The following ZNF829 variants were observed in gnomAD, a reference collection of about 807,000 sequenced individuals.
The protein encoded by ZNF829 is zinc finger protein 829.
ZNF829 carries 25 observed loss-of-function variants against 35.2 expected under a neutral mutation model. The ratio of observed to expected loss-of-function variants is 0.71; its 90% CI spans 0.52 to 0.99. The LOEUF (loss-of-function observed/expected upper bound fraction) is 0.99. Ranked by LOEUF, ZNF829 falls within the 50% of genes least tolerant of loss-of-function variation. ZNF829 has a pLI of 0.00. For missense variants in ZNF829, 417 were observed against 515.3 expected, an observed-to-expected ratio of 0.81 and a Z score of 1.85; for synonymous variants, 136 against 163.2, an observed-to-expected ratio of 0.83 and a Z score of 1.27.
Position 36,908,318 on chromosome 19 carries a change from A to T in ZNF829, c.223+15T>A. 1.2e-6 allele frequency: 2 copies of T among 1,603,096 alleles called. No homozygotes were observed. The highest frequency in any genetic ancestry group is 1.7e-6 in the Non-Finnish European group (2 of 1,175,802). On this transcript the variant is annotated intron_variant, in intron 4 of 5. Coordinates refer to ENST00000391711, the MANE Select transcript of ZNF829 (RefSeq NM_001037232.4). ...CAAGGGCACACTCTGAATTTTGGGGAATAGTTATCCTTACCCACTGAAACC... is the reference window on the plus strand; with the variant it reads ...CAAGGGCACACTCTGAATTTTGGGGTATAGTTATCCTTACCCACTGAAACC...
Position 36,907,938 on chromosome 19 carries a change from G to T in ZNF829, c.310C>A (p.Leu104Met), listed in dbSNP as rs1378427853. Residue 104 changes from leucine (L) to methionine (M), a missense_variant, in exon 5 of 6, where the codon CTG (leucine) becomes ATG (methionine). Leu to Met is a conservative substitution (Grantham distance 15, BLOSUM62 2). Transcript: ENST00000391711. ...ATCATCTCTTACTTACCTGAACACA[G>T]GCCTCTAGTCAGCTCTCTATCAACC... ...WMVDRELTRG[L>M]CSDLESMCET... 1 of 1,613,696 alleles carries T rather than the reference G, an allele frequency of 6.2e-7. No homozygotes were observed. The highest frequency in any genetic ancestry group is 8.5e-7 in the Non-Finnish European group (1 of 1,179,708).
chr19:36,889,403 C>T lies in ZNF829; in HGVS notation c.*2089G>A, dbSNP rs1419932939. The T allele has an allele frequency of 6.6e-6, 1 of 152,118 alleles. No homozygotes were observed. The highest frequency in any genetic ancestry group is 1.5e-5 in the Non-Finnish European group (1 of 68,020). 9.4% of individuals were successfully genotyped at this position (152,118 alleles called of 1,614,324 possible). A position where few individuals can be genotyped will look rare whatever the true frequency, so the allele number is the denominator to read the frequency against. ...TCCTTGCATGTCTAGTAGAATTCAG[C>T]TGTGAATCTGTCTGGTCCTGGGCTT... On this transcript the variant is annotated 3_prime_UTR_variant, in exon 6 of 6. Coordinates refer to ENST00000391711, the MANE Select transcript of ZNF829 (RefSeq NM_001037232.4).
Position 36,902,907 on chromosome 19 carries a change from A to G in ZNF829, c.319+5022T>C, listed in dbSNP as rs558364937. 1.7e-4 allele frequency among the ~76,000 whole-genome samples: 26 copies of G among 152,176 alleles called. No homozygotes were observed. The East Asian group carries it at 2.5e-3, about 15-fold the overall frequency. ...AAAAATTAGCTGGACATGGTGGCGC[A>G]CGCCTGTAATCCCAGCTACTTGGGA... On this transcript the variant is annotated intron_variant, in intron 5 of 5. Coordinates refer to ENST00000391711, the MANE Select transcript of ZNF829 (RefSeq NM_001037232.4).
chr19:36,901,925 G>A lies in ZNF829; in HGVS notation c.319+6004C>T, dbSNP rs1160354165. 15 of 763,040 alleles carry A rather than the reference G, an allele frequency of 2.0e-5. No individual in the cohort carries two copies. In the East Asian group the frequency reaches 3.2e-4, roughly 16 times the overall value. The allele number at this position is 763,040 out of a possible 1,614,324, so 47.3% of individuals were successfully genotyped here. ...CATGAAGGAGATGGGAACTCCAGAT[G>A]TGCGCACTGATACCAGGCTCAACAA... On this transcript the variant is annotated intron_variant, in intron 5 of 5. Coordinates refer to ENST00000391711, the MANE Select transcript of ZNF829 (RefSeq NM_001037232.4).
rs538865452 is a variant in ZNF829 at position 36,907,081 on chromosome 19, C to A, written c.319+848G>T. ...CCAGCCTGGGCAACAGAGCAAGACT[C>A]CATCTCAAAAAAAAAAAAAAAAAAA... is the stretch of plus-strand genomic sequence containing the variant. On this transcript the variant is annotated intron_variant, in intron 5 of 5. Transcript: ENST00000391711. The A allele has an allele frequency of 1.9e-4, 18 of 92,836 alleles. No homozygotes were observed. In the Admixed American group the frequency reaches 2.3e-3, roughly 12 times the overall value. The allele number at this position is 92,836 out of a possible 1,614,324, so 5.8% of individuals were successfully genotyped here.
intron 5 of ZNF829, chr19:36,892,980 C>T (rs935390613): frequency 1.6e-5 from 7 of 434,626 alleles, no homozygotes; most frequent in Admixed American, 4.3e-5. Flanking sequence ...AGGGCATGCA[C>T]CATGCGTGAG....
At chr19:36,894,688 A>G (rs1176657106) in intron 5 of ZNF829, among the ~76,000 whole-genome samples, 1 of 152,158 alleles carries the variant, frequency 6.6e-6, no homozygotes, top group African/African-American at 2.4e-5. Context: ...ACAATAGACT[A>G]GATCAAGCAG....
At chr19:36,893,249 G>A (rs1377333734) in intron 5 of ZNF829, among the ~76,000 whole-genome samples, 3 of 152,110 alleles carry the variant, frequency 2.0e-5, no homozygotes, top group African/African-American at 4.8e-5. Flanking sequence ...CATCTCTTCT[G>A]TGCATACAGC....
rs2073029930 is a variant in ZNF829 at position 36,889,477 on chromosome 19, AG to A, written c.*2014del. ...TATTACTGATTCAATTTCAATACTC[AG>A]TAGTCTGTTGAGGATTCCTATTTCT... On this transcript the variant is annotated 3_prime_UTR_variant, in exon 6 of 6. Coordinates refer to ENST00000391711, the MANE Select transcript of ZNF829 (RefSeq NM_001037232.4). 2.0e-5 allele frequency: 3 copies of A among 152,120 alleles called. No individual in the cohort carries two copies. Among genetic ancestry groups the A allele is most frequent in the African/African-American group, 7.2e-5 (3 of 41,422 alleles). 9.4% of individuals were successfully genotyped at this position (152,120 alleles called of 1,614,324 possible). A position where few individuals can be genotyped will look rare whatever the true frequency, so the allele number is the denominator to read the frequency against.
intron 5 of ZNF829, among the ~76,000 whole-genome samples, chr19:36,900,631 TGAAATCAGGAGTTCAA>T (rs1006391722): frequency 6.6e-6 from 1 of 151,904 alleles, no homozygotes; most frequent in African/African-American, 2.4e-5. Flanking sequence ...GTGGATCACT[TGAAATCAGGAGTTCAA>T]GACCAGCCTG....
At chr19:36,915,307 A>T in intron 1 of ZNF829, 56 bp from the exon 2 acceptor site, 1 of 1,537,042 alleles carries the variant, frequency 6.5e-7, no homozygotes, top group Non-Finnish European at 8.8e-7. Flanking sequence ...CCATACTCAT[A>T]CACAGAATGC....
chr19:36,915,671 C>T, intron 1 of ZNF829: 2 of 619,974 alleles, frequency 3.2e-6, no homozygotes, highest in South Asian at 1.9e-5. Flanking sequence ...GATCTCGGCT[C>T]ACTGCAACCT....
chr19:36,901,760 G>A, intron 5 of ZNF829: 2 of 544,494 alleles, frequency 3.7e-6, no homozygotes, highest in Non-Finnish European at 6.8e-6. Context: ...CACAAAGAAG[G>A]GTGGTGAGAA....
At chr19:36,901,881 A>G (rs2073169229) in intron 5 of ZNF829, 9 of 760,544 alleles carry the variant, frequency 1.2e-5, no homozygotes, top group Non-Finnish European at 2.0e-5. Context: ...CGGACACTCA[A>G]AGAGATTCAG....
chr19:36,915,106 T>C, intron 2 of ZNF829, 24 bp downstream of exon 2: 1 of 1,613,866 alleles, frequency 6.2e-7, no homozygotes, highest in Non-Finnish European at 8.5e-7. Context: ...CAAGTAAGAG[T>C]TCTTCCCCAG....
Position 36,891,355 on chromosome 19 carries a change from T to G in ZNF829, c.*137A>C, listed in dbSNP as rs925018466. On this transcript the variant is annotated 3_prime_UTR_variant, in exon 6 of 6. Transcript: ENST00000391711. ...TTTTAAGCCACCAAGGTTTTGGTAC[T>G]TGGTACTTTGTTATCGTATCGTTTA... The G allele has an allele frequency of 1.2e-6, 1 of 864,576 alleles. No homozygotes were observed. Among genetic ancestry groups the G allele is most frequent in the African/African-American group, 1.7e-5 (1 of 57,656 alleles). 53.6% of individuals were successfully genotyped at this position (864,576 alleles called of 1,614,324 possible).
intron 5 of ZNF829, chr19:36,901,957 C>G (rs1282564134): frequency 5.3e-6 from 4 of 756,534 alleles, no homozygotes; most frequent in Non-Finnish European, 9.7e-6. Context: ...ACAAAGCTGT[C>G]TGGGCCAAAG....
chr19:36,889,147 A>G lies in ZNF829; in HGVS notation c.*2345T>C, dbSNP rs2073026522. 6.6e-6 allele frequency: 1 copy of G among 152,158 alleles called. No individual in the cohort carries two copies. Among genetic ancestry groups the G allele is most frequent in the African/African-American group, 2.4e-5 (1 of 41,446 alleles). The allele number at this position is 152,158 out of a possible 1,614,324, so 9.4% of individuals were successfully genotyped here. ...TCCTTACACCCCAGGAATAAAATCCACTTGACTGTGCTGTTACTATCTTTT... is the reference window on the plus strand; with the variant it reads ...TCCTTACACCCCAGGAATAAAATCCGCTTGACTGTGCTGTTACTATCTTTT... On this transcript the variant is annotated 3_prime_UTR_variant, in exon 6 of 6. Transcript: ENST00000391711.
intron 3 of ZNF829, among the ~76,000 whole-genome samples, chr19:36,910,864 AG>A (rs916325349): frequency 6.6e-6 from 1 of 152,022 alleles, no homozygotes; most frequent in Non-Finnish European, 1.5e-5. Context: ...AAAAATAGCC[AG>A]GTGTCGTGGC....
Sources: allele counts gnomAD v4.1 joint callset (sites outside exome capture counted in the v4.1 genomes callset), GRCh38; gene constraint gnomAD v4.1.1; transcripts MANE v1.5; gene names NCBI Gene and HGNC (gene_info 2026-07-23, HGNC 2026-07-21).